Variants in SLIT3 observed in about 807,000 individuals in gnomAD.
SLIT3 encodes the protein slit guidance ligand 3.
Under a neutral mutation model 184.0 loss-of-function variants are expected in SLIT3, and 68 were observed. The observed-to-expected ratio is 0.37, with a 90% CI of 0.30 to 0.45. The LOEUF is 0.45. Ranked by LOEUF, SLIT3 falls within the 20% of genes least tolerant of loss-of-function variation. The pLI, the probability that SLIT3 is intolerant of heterozygous loss-of-function variation, is 1.00. For missense variants in SLIT3, 1,707 were observed against 2,026.0 expected (o/e 0.84, Z 3.02); for synonymous variants, 831 against 828.6 (o/e 1.00, Z -0.05).
intron 35 of SLIT3, chr5:168,667,679 T>G (rs1249873420): frequency 5.9e-5 from 9 of 152,268 alleles, no homozygotes; most frequent in Non-Finnish European, 1.2e-4. Context: ...TTTCCGTGTC[T>G]GCAAAGTGGT....
chr5:169,298,881 C>A (rs1334334059), intron 1 of SLIT3, among the ~76,000 whole-genome samples: 1 of 152,182 alleles, frequency 6.6e-6, no homozygotes, highest in African/African-American at 2.4e-5. Flanking sequence ...CAAATCAAGG[C>A]ATGAAAAGCA....
At chr5:169,298,885 A>G (rs12513825) in intron 1 of SLIT3, among the ~76,000 whole-genome samples, 12,645 of 152,300 alleles carry the variant, frequency 0.083, 668 homozygotes, top group East Asian at 0.3. Context: ...TCAAGGCATG[A>G]AAAGCATTTA....
intron 4 of SLIT3, among the ~76,000 whole-genome samples, chr5:169,031,078 GC>G (rs1436708684): frequency 6.6e-6 from 1 of 152,140 alleles, no homozygotes; most frequent in Non-Finnish European, 1.5e-5. Context: ...TGAGTATCCA[GC>G]ATAGTAGTCG....
chr5:169,056,262 G>A (rs1360323590), intron 4 of SLIT3, among the ~76,000 whole-genome samples: 2 of 152,168 alleles, frequency 1.3e-5, no homozygotes, highest in East Asian at 1.9e-4. Flanking sequence ...TGAGGACAGG[G>A]TGCCGACTTG....
chr5:168,734,703 A>C (rs1763380773), intron 20 of SLIT3, among the ~76,000 whole-genome samples: 1 of 152,180 alleles, frequency 6.6e-6, no homozygotes, highest in South Asian at 2.1e-4. Flanking sequence ...TCTTTTCATC[A>C]CAGCATTTGA....
At chr5:169,251,666 A>G (rs925914833) in intron 1 of SLIT3, among the ~76,000 whole-genome samples, 5 of 152,140 alleles carry the variant, frequency 3.3e-5, no homozygotes, top group Non-Finnish European at 7.3e-5. Context: ...ACTCTTTTAT[A>G]TGTAACTGCC....
At chr5:168,908,357 GC>G (rs1761147002) in intron 4 of SLIT3, among the ~76,000 whole-genome samples, 1 of 152,066 alleles carries the variant, frequency 6.6e-6, no homozygotes, top group African/African-American at 2.4e-5. Context: ...CTGTCTGAAT[GC>G]CATGCAGTCC....
Position 168,857,827 on chromosome 5 carries a change from C to T in SLIT3, c.486-13172G>A, listed in dbSNP as rs145307356. ...TATTAACTTCTACCAAAGCGCTCCA[C>T]GGAAAACCACCGAGCTTAAAAGCCC... On this transcript the variant is annotated intron_variant, in intron 5 of 35. Coordinates refer to ENST00000519560, the MANE Select transcript of SLIT3 (RefSeq NM_003062.4). Among the ~76,000 whole-genome samples the T allele has an allele frequency of 1.8e-3, 278 of 152,294 alleles. 1 individual carries two copies. The highest frequency in any genetic ancestry group is 2.7e-3 in the Non-Finnish European group (185 of 68,032).
At chr5:169,071,443 C>G (rs551705110) in intron 4 of SLIT3, among the ~76,000 whole-genome samples, 1 of 152,072 alleles carries the variant, frequency 6.6e-6, no homozygotes, top group Admixed American at 6.5e-5. Context: ...GGAGAAAGAG[C>G]GTTTGAGGGA....
intron 4 of SLIT3, among the ~76,000 whole-genome samples, chr5:169,005,418 G>A (rs1221622645): frequency 6.6e-6 from 1 of 152,176 alleles, no homozygotes; most frequent in Admixed American, 6.5e-5. Flanking sequence ...CATGTAACAT[G>A]TATAGGAGAG....
At chr5:169,219,035 A>G (rs903520956) in intron 3 of SLIT3, among the ~76,000 whole-genome samples, 2 of 152,228 alleles carry the variant, frequency 1.3e-5, no homozygotes, top group Non-Finnish European at 2.9e-5. Flanking sequence ...GATTAGGTCC[A>G]GAGCCAATGT....
At position 168,837,395 on chromosome 5, in the gene SLIT3, C is replaced by T. The variant is rs746008688; in HGVS notation, c.557+7189G>A. 9.2e-5 allele frequency among the ~76,000 whole-genome samples: 14 copies of T among 152,316 alleles called. No homozygotes were observed. The South Asian group carries it at 2.1e-3, about 23-fold the overall frequency. On this transcript the variant is annotated intron_variant, in intron 6 of 35. Coordinates refer to ENST00000519560, the MANE Select transcript of SLIT3 (RefSeq NM_003062.4). ...AATGAGTCTAGTCTCTGCTGTAACA[C>T]ACCAATTTTCACTGTAGCTCCGATT... is the stretch of plus-strand genomic sequence containing the variant.
intron 4 of SLIT3, among the ~76,000 whole-genome samples, chr5:168,939,449 C>T (rs1373936634): frequency 6.6e-6 from 1 of 152,152 alleles, no homozygotes; most frequent in Non-Finnish European, 1.5e-5. Flanking sequence ...CTCAGAAAGG[C>T]TTAAGATGAT....
chr5:169,081,968 A>C (rs1581388452), intron 4 of SLIT3, among the ~76,000 whole-genome samples: 2 of 152,204 alleles, frequency 1.3e-5, no homozygotes, highest in Admixed American at 1.3e-4. Flanking sequence ...ATTTGAAACC[A>C]GGTCAGCCTG....
chr5:168,910,068 T>C (rs1463981532), intron 4 of SLIT3, among the ~76,000 whole-genome samples: 6 of 152,150 alleles, frequency 3.9e-5, no homozygotes, highest in Admixed American at 1.3e-4. Context: ...CATCAAATGA[T>C]TGTGGGCAGG....
intron 4 of SLIT3, among the ~76,000 whole-genome samples, chr5:169,067,874 C>T (rs1368905366): frequency 6.6e-6 from 1 of 152,156 alleles, no homozygotes; most frequent in Non-Finnish European, 1.5e-5. Flanking sequence ...CTTAGGCCAG[C>T]GGCTGCTAAC....
intron 6 of SLIT3, among the ~76,000 whole-genome samples, chr5:168,833,380 TTGGGCTAAC>T (rs1395464274): frequency 1.3e-5 from 2 of 152,182 alleles, no homozygotes; most frequent in African/African-American, 4.8e-5. Context: ...AATTTACAGC[TTGGGCTAAC>T]TGGGCTCAGC....
At chr5:169,069,763 A>G (rs1356241680) in intron 4 of SLIT3, among the ~76,000 whole-genome samples, 5 of 152,188 alleles carry the variant, frequency 3.3e-5, no homozygotes, top group African/African-American at 1.2e-4. Flanking sequence ...ACAGACAGAC[A>G]GACAGACAGA....
chr5:168,669,701 C>T, intron 35 of SLIT3, 82 bp downstream of exon 35: 1 of 1,161,830 alleles, frequency 8.6e-7, no homozygotes, highest in Non-Finnish European at 1.3e-6. Context: ...GTGGCACAGC[C>T]AGAACTGGAA....
Sources: allele counts gnomAD v4.1 joint callset (sites outside exome capture counted in the v4.1 genomes callset), GRCh38; gene constraint gnomAD v4.1.1; transcripts MANE v1.5; gene names NCBI Gene and HGNC (gene_info 2026-07-23, HGNC 2026-07-21).